The following RNLS variants were observed in gnomAD, a reference collection of about 807,000 sequenced individuals.
RNLS encodes renalase, FAD dependent amine oxidase, also known as renalase.
In RNLS, 39 loss-of-function variants were observed where a neutral mutation model predicts 39.8. The ratio of observed to expected loss-of-function variants is 0.98; its 90% CI spans 0.76 to 1.28. The LOEUF (loss-of-function observed/expected upper bound fraction) is 1.28, where lower values mean the gene tolerates loss of function less well. Ranked by LOEUF, RNLS falls within the 50% of genes most tolerant of loss-of-function variation. The pLI is 0.00. For synonymous variants in RNLS, 147 were observed against 150.7 expected (o/e 0.98, Z 0.18); for missense variants, 410 against 413.3 (o/e 0.99, Z 0.07).
chr10:88,460,049 T>G (rs946830886), intron 4 of RNLS, among the ~76,000 whole-genome samples: 1 of 152,138 alleles, frequency 6.6e-6, no homozygotes, highest in Admixed American at 6.6e-5. Context: ...TTAAGCAGTT[T>G]ATTAGTTTAT....
intron 4 of RNLS, among the ~76,000 whole-genome samples, chr10:88,411,770 T>A (rs1302245015): frequency 6.6e-6 from 1 of 152,124 alleles, no homozygotes; most frequent in Non-Finnish European, 1.5e-5. Flanking sequence ...GAGATCTAAC[T>A]CTGTCTGTTT....
chr10:88,526,877 A>G (rs781066355), intron 4 of RNLS, among the ~76,000 whole-genome samples: 33 of 151,952 alleles, frequency 2.2e-4, no homozygotes, highest in Non-Finnish European at 4.1e-4. Flanking sequence ...AAACCAGTAA[A>G]GCCGCAGAAC....
intron 4 of RNLS, among the ~76,000 whole-genome samples, chr10:88,523,266 A>G (rs1846871726): frequency 6.6e-6 from 1 of 152,088 alleles, no homozygotes; most frequent in African/African-American, 2.4e-5. Flanking sequence ...TTGGTTAGCT[A>G]TAAGTCTGCT....
intron 4 of RNLS, among the ~76,000 whole-genome samples, chr10:88,396,467 TA>T (rs1244581241): frequency 1.3e-5 from 2 of 151,050 alleles, no homozygotes; most frequent in African/African-American, 2.4e-5. Flanking sequence ...AAAATAACTT[TA>T]AAAAATATAT....
chr10:88,338,955 G>T (rs976443278), intron 5 of RNLS, among the ~76,000 whole-genome samples: 3 of 152,002 alleles, frequency 2.0e-5, no homozygotes, highest in Non-Finnish European at 2.9e-5. Context: ...TGGAGACGGG[G>T]TTTCACCGTG....
intron 5 of RNLS, among the ~76,000 whole-genome samples, chr10:88,356,351 C>T (rs1242690873): frequency 3.3e-5 from 5 of 152,218 alleles, no homozygotes; most frequent in Non-Finnish European, 5.9e-5. Flanking sequence ...ATTCAGCCGT[C>T]TTGGAACTGC....
intron 4 of RNLS, among the ~76,000 whole-genome samples, chr10:88,409,832 G>A (rs1853546575): frequency 6.6e-6 from 1 of 151,982 alleles, no homozygotes; most frequent in Non-Finnish European, 1.5e-5. Context: ...TGTCAGCCTA[G>A]TAGCTCTGTG....
chr10:88,410,289 T>C (rs1853573851), intron 4 of RNLS, among the ~76,000 whole-genome samples: 1 of 152,182 alleles, frequency 6.6e-6, no homozygotes, highest in South Asian at 2.1e-4. Context: ...CATAATTTAA[T>C]ATCAGAGTTA....
intron 5 of RNLS, among the ~76,000 whole-genome samples, chr10:88,338,729 T>C (rs1170410554): frequency 6.6e-6 from 1 of 151,810 alleles, no homozygotes; most frequent in Admixed American, 6.6e-5. Flanking sequence ...TCACTCATCA[T>C]GTGAGTGACA....
intron 4 of RNLS, among the ~76,000 whole-genome samples, chr10:88,448,718 C>T (rs1237411909): frequency 6.6e-6 from 1 of 152,216 alleles, no homozygotes; most frequent in South Asian, 2.1e-4. Context: ...TATTGAGGCA[C>T]TGTTCACAAT....
intron 4 of RNLS, among the ~76,000 whole-genome samples, chr10:88,535,967 C>T (rs1847734048): frequency 6.6e-6 from 1 of 152,086 alleles, no homozygotes; most frequent in Non-Finnish European, 1.5e-5. Flanking sequence ...ATGAAATATC[C>T]TCCATCTCAG....
At chr10:88,199,192 G>A in the RNLS span, among the ~76,000 whole-genome samples, 1 of 152,152 alleles carries the variant, frequency 6.6e-6, no homozygotes, top group Admixed American at 6.6e-5. Flanking sequence ...TCCAATCTCA[G>A]AGTGGAAGCC....
At chr10:88,549,918 C>T (rs1219058665) in intron 4 of RNLS, among the ~76,000 whole-genome samples, 1 of 152,084 alleles carries the variant, frequency 6.6e-6, no homozygotes, top group Non-Finnish European at 1.5e-5. Context: ...TGTATTGCTC[C>T]ACTTAATACT....
At chr10:88,172,949 C>T in the RNLS span, among the ~76,000 whole-genome samples, 30 of 145,758 alleles carry the variant, frequency 2.1e-4, no homozygotes, top group African/African-American at 4.4e-4. Flanking sequence ...CTCCACCTCC[C>T]GGGTTCATGC....
At chr10:88,505,310 A>G (rs963882023) in intron 4 of RNLS, among the ~76,000 whole-genome samples, 2 of 151,972 alleles carry the variant, frequency 1.3e-5, no homozygotes, top group African/African-American at 4.8e-5. Flanking sequence ...AAGAATAACA[A>G]TGTATTAAAT....
intron 4 of RNLS, among the ~76,000 whole-genome samples, chr10:88,367,510 C>A (rs148539310): frequency 1.8e-3 from 274 of 152,218 alleles, no homozygotes; most frequent in Non-Finnish European, 3.4e-3. Context: ...TTGGTTATTA[C>A]ATATTTAATG....
At chr10:88,575,206 A>ATGTG (rs1204946444) in intron 3 of RNLS, among the ~76,000 whole-genome samples, 2 of 31,384 alleles carry the variant, frequency 6.4e-5, no homozygotes, top group Non-Finnish European at 1.1e-4. Flanking sequence ...CTATATATAT[A>ATGTG]TGTGTGTGTA....
At chr10:88,529,223 A>T (rs76853409) in intron 4 of RNLS, among the ~76,000 whole-genome samples, 2,991 of 152,238 alleles carry the variant, frequency 0.02, 45 homozygotes, top group South Asian at 0.069. Flanking sequence ...GGGTATGCAA[A>T]ATCCAGCGTC....
chr10:88,464,225 A>G (rs993089154), intron 4 of RNLS, among the ~76,000 whole-genome samples: 1 of 152,154 alleles, frequency 6.6e-6, no homozygotes, highest in African/African-American at 2.4e-5. Flanking sequence ...AAGCTTGTAG[A>G]AACAGCACTG....
Sources: gnomAD v4.1 joint callset for allele counts (sites outside exome capture counted in the v4.1 genomes callset) on GRCh38, gnomAD v4.1.1 for gene constraint, MANE v1.5 for transcripts, NCBI Gene and HGNC (gene_info 2026-07-23, HGNC 2026-07-21) for gene names.